RFXANK: variants seen among roughly 807,000 people sequenced by gnomAD.
RFXANK encodes DNA-binding protein RFXANK.
In RFXANK, 19 loss-of-function variants were observed where a neutral mutation model predicts 34.5. The ratio of observed to expected loss-of-function variants is 0.55; its 90% CI spans 0.38 to 0.81. The LOEUF (loss-of-function observed/expected upper bound fraction) is 0.81. Among genes scored for constraint, RFXANK ranks in the 30% least tolerant of loss-of-function variants. The pLI is 0.00. For synonymous variants in RFXANK, 154 were observed against 149.8 expected (o/e 1.03, Z -0.20); for missense variants, 295 against 343.5 (o/e 0.86, Z 1.12).
In RFXANK at chr19:19,194,096, G is replaced by A. The variant is rs769152923; in HGVS notation, c.150G>A (p.Val50=). ...LSLFPCTPEP[V]NPEPDASVSS... ...TCTTTCCCTGCACCCCTGAGCCTGT[G>A]AATCCTGAACCGGATGCCAGTGTTT... The change falls in exon 3 of 10, where the codon GTG becomes GTA. Residue 50 remains valine, a synonymous_variant. Coordinates refer to ENST00000303088, the MANE Select transcript of RFXANK (RefSeq NM_003721.4). The A allele has an allele frequency of 1.2e-6, 2 of 1,614,052 alleles. No homozygotes were observed. Among genetic ancestry groups the A allele is most frequent in the African/African-American group, 2.7e-5 (2 of 74,908 alleles).
In RFXANK at chr19:19,197,251, G is replaced by C. The variant is rs757967767; in HGVS notation, c.337G>C (p.Gly113Arg). 1 of 1,612,698 alleles carries C rather than the reference G, an allele frequency of 6.2e-7. No homozygotes were observed. The highest frequency in any genetic ancestry group is 1.7e-5 in the Admixed American group (1 of 60,018). ...LDQLKEHLRK[G>R]DNLVNKPDER... ...CCAGCTGAAGGAGCATTTGCGGAAAGGTGCGTGTCCACACACATGTGCTGG... is the reference window on the plus strand; with the variant it reads ...CCAGCTGAAGGAGCATTTGCGGAAACGTGCGTGTCCACACACATGTGCTGG... The change falls in exon 5 of 10, where the codon GGT (glycine) becomes CGT (arginine). Residue 113 changes from glycine (G) to arginine (R), a missense_variant and splice_region_variant. Physicochemically the swap from Gly to Arg is moderately radical, Grantham distance 125. Transcript: ENST00000303088.
At chr19:19,199,066 G>A in intron 8 of RFXANK, 88 bp from the exon 9 acceptor site, 1 of 1,282,578 alleles carries the variant, frequency 7.8e-7, no homozygotes, top group South Asian at 1.2e-5. Flanking sequence ...TGTGGGGAAT[G>A]AGGGGTGCCA....
chr19:19,195,509 T>C (rs1041130675), intron 3 of RFXANK, among the ~76,000 whole-genome samples: 1 of 152,052 alleles, frequency 6.6e-6, no homozygotes, highest in Admixed American at 6.6e-5. Context: ...TTTGCCATGT[T>C]GCCCAGGCTG....
chr19:19,197,294 G>T, intron 5 of RFXANK, 43 bp downstream of exon 5: 1 of 1,602,016 alleles, frequency 6.2e-7, no homozygotes. Flanking sequence ...GCACCTGGCT[G>T]GTGTGTGCAT....
intron 3 of RFXANK, among the ~76,000 whole-genome samples, chr19:19,196,513 G>T (rs937402900): frequency 8.0e-5 from 12 of 150,184 alleles, no homozygotes; most frequent in Non-Finnish European, 1.5e-4. Context: ...AGTGAACTGT[G>T]ATCACACCAC....
chr19:19,199,759 C>T (rs1228061952), intron 9 of RFXANK, among the ~76,000 whole-genome samples: 3 of 152,136 alleles, frequency 2.0e-5, no homozygotes, highest in Non-Finnish European at 4.4e-5. Context: ...CATCCCTCTC[C>T]GTGGCGGGCA....
chr19:19,193,406 TC>T lies in RFXANK; in HGVS notation c.-9+308del, dbSNP rs1398072031. Reference sequence around the variant, plus strand: ...TGACCCCAGAGCCCCGGCTTTTTTTTCCTTTCTTTTTTTTTTTTTTTTTTTT... The same window carrying T: ...TGACCCCAGAGCCCCGGCTTTTTTTTCTTTCTTTTTTTTTTTTTTTTTTTT... On this transcript the variant is annotated intron_variant, in intron 2 of 9. Coordinates refer to ENST00000303088, the MANE Select transcript of RFXANK (RefSeq NM_003721.4). Among the ~76,000 whole-genome samples, 75 of 148,826 alleles carry T rather than the reference TC, an allele frequency of 5.0e-4. 2 individuals are homozygous for T. The highest frequency in any genetic ancestry group is 1.0e-3 in the Non-Finnish European group (68 of 67,264).
In RFXANK at chr19:19,193,953, C is replaced by T; in HGVS notation, c.7C>T (p.Leu3Phe). 2.5e-6 allele frequency: 4 copies of T among 1,614,218 alleles called. No homozygotes were observed. The highest frequency in any genetic ancestry group is 2.2e-5 in the South Asian group (2 of 91,086). ...ACCTCCGCCAGCTTTCCCCATGGAG[C>T]TTACCCAGCCTGCAGAAGACCTCAT... MELTQPAEDLIQT... is the reference protein window; with the variant it reads MEFTQPAEDLIQT... The change falls in exon 3 of 10, where the codon CTT becomes TTT. Residue 3 changes from leucine (L) to phenylalanine (F), a missense_variant. Leu to Phe is a conservative substitution (Grantham distance 22). Transcript: ENST00000303088.
At chr19:19,197,711 T>A in intron 6 of RFXANK, 90 bp downstream of exon 6, 1 of 1,189,038 alleles carries the variant, frequency 8.4e-7, no homozygotes, top group Non-Finnish European at 1.2e-6. Context: ...CGCCTTGTCT[T>A]TGAGATGCGG....
In RFXANK at chr19:19,198,734, G is replaced by A. The variant is rs2060645023; in HGVS notation, c.631+11G>A. On this transcript the variant is annotated intron_variant, in intron 8 of 9. Transcript: ENST00000303088. The stretch of plus-strand genomic sequence containing the variant: ...TTGAGGCCTTGCTGGGTGAGTGGGA[G>A]TCGGGAGTGGCCCTGGGGGCCCCAG... The A allele has an allele frequency of 6.2e-7, 1 of 1,613,820 alleles. No individual in the cohort carries two copies.
chr19:19,199,028 T>C (rs1316803465), intron 8 of RFXANK, 126 bp from the exon 9 acceptor site: 6 of 975,610 alleles, frequency 6.2e-6, no homozygotes, highest in Non-Finnish European at 9.6e-6. Context: ...AAAGGCCACA[T>C]GGGCAACGGG....
intron 6 of RFXANK, 32 bp downstream of exon 6, chr19:19,197,653 G>A (rs998838549): frequency 3.8e-6 from 6 of 1,596,224 alleles, no homozygotes; most frequent in Non-Finnish European, 4.3e-6. Flanking sequence ...CAGCTGGGGG[G>A]TTCCCGGGGG....
At chr19:19,197,362 TCTAA>T in intron 5 of RFXANK, 111 bp downstream of exon 5, 4 of 1,268,710 alleles carry the variant, frequency 3.2e-6, no homozygotes, top group African/African-American at 1.5e-5. Flanking sequence ...TATGATTGTA[TCTAA>T]CTGTGTGTGT....
In RFXANK at chr19:19,197,712, T is replaced by G. The variant is rs574109669; in HGVS notation, c.438+91T>G. On this transcript the variant is annotated intron_variant, in intron 6 of 9. Transcript: ENST00000303088. ...GCTGTGTCTGCTGGCGCCTTGTCTT[T>G]GAGATGCGGCTGCTGGCTGGGTGCA... 609 of 1,182,072 alleles carry G rather than the reference T, an allele frequency of 5.2e-4. 3 individuals are homozygous for G. The African/African-American group carries it at 8.2e-3, about 16-fold the overall frequency. 73.2% of individuals were successfully genotyped at this position (1,182,072 alleles called of 1,614,324 possible).
intron 8 of RFXANK, 55 bp from the exon 9 acceptor site, chr19:19,199,097 GAC>G: frequency 6.6e-7 from 1 of 1,523,050 alleles, no homozygotes; most frequent in South Asian, 1.1e-5. Context: ...CAGGTCCCCA[GAC>G]CCCATTCTGG....
chr19:19,197,233 A>C lies in RFXANK; in HGVS notation c.319A>C (p.Lys107Gln), dbSNP rs1199713145. ...AGCACAGGGGGAGCTGGACCAGCTG[A>C]AGGAGCATTTGCGGAAAGGTGCGTG... ...LAAQGELDQL[K>Q]EHLRKGDNLV... The change falls in exon 5 of 10, where the codon AAG (lysine) becomes CAG (glutamine). Residue 107 changes from lysine (K) to glutamine (Q), a missense_variant. Coordinates refer to ENST00000303088, the MANE Select transcript of RFXANK (RefSeq NM_003721.4). The C allele has an allele frequency of 1.9e-6, 3 of 1,613,136 alleles. No homozygotes were observed. The African/African-American group carries it at 4.0e-5, about 22-fold the overall frequency.
At chr19:19,197,295 G>A in intron 5 of RFXANK, 44 bp downstream of exon 5, 2 of 1,600,480 alleles carry the variant, frequency 1.2e-6, no homozygotes, top group African/African-American at 1.3e-5. Flanking sequence ...CACCTGGCTG[G>A]TGTGTGCATA....
chr19:19,198,677 G>A lies in RFXANK; in HGVS notation c.585G>A (p.Leu195=), dbSNP rs756813171. 3 of 1,613,862 alleles carry A rather than the reference G, an allele frequency of 1.9e-6. No homozygotes were observed. In the South Asian group the frequency reaches 3.3e-5, roughly 18 times the overall value. Residue 195 remains leucine, a synonymous_variant, in exon 8 of 10, where the codon CTG becomes CTA. Transcript: ENST00000303088. ...GACAGAATGGAGGGACGCCACTGCT[G>A]TACGCTGTGCGCGGGAACCACGTGA... ...IYDWNGGTPL[L]YAVRGNHVKC...
chr19:19,200,404 C>A (rs2060687574), intron 9 of RFXANK, among the ~76,000 whole-genome samples: 1 of 151,956 alleles, frequency 6.6e-6, no homozygotes, highest in African/African-American at 2.4e-5. Context: ...TCTTGAACTC[C>A]TGACCTTGTG....
Sources: allele counts gnomAD v4.1 joint callset (sites outside exome capture counted in the v4.1 genomes callset), GRCh38; gene constraint gnomAD v4.1.1; transcripts MANE v1.5; gene names NCBI Gene and HGNC (gene_info 2026-07-23, HGNC 2026-07-21).